CHODL: variants seen among roughly 807,000 people sequenced by gnomAD.
The protein encoded by CHODL is chondrolectin, also known as transmembrane protein MT75.
In CHODL, 29 loss-of-function variants were observed where a neutral mutation model predicts 34.5. That is an observed-to-expected ratio of 0.84 (90% CI 0.63 to 1.15). The LOEUF (loss-of-function observed/expected upper bound fraction) is 1.15. Ranked by LOEUF, CHODL falls within the 50% of genes most tolerant of loss-of-function variation. The probability of loss-of-function intolerance (pLI) is 0.00; values close to 1 mark genes in which losing one functional copy is unlikely to be tolerated. For missense variants in CHODL, 332 were observed against 332.5 expected (o/e 1.00, Z 0.01); for synonymous variants, 125 against 116.1 (o/e 1.08, Z -0.49).
intron 2 of CHODL, among the ~76,000 whole-genome samples, chr21:18,050,743 T>C (rs2064503381): frequency 6.6e-6 from 1 of 151,784 alleles, no homozygotes; most frequent in Non-Finnish European, 1.5e-5. Context: ...AGAGTGTAGG[T>C]TGGGTCATGT....
intron 2 of CHODL, among the ~76,000 whole-genome samples, chr21:18,174,141 A>ATATATATATATATATATCTTGGTG (rs2073271984): frequency 8.5e-6 from 1 of 117,382 alleles, no homozygotes; most frequent in African/African-American, 3.5e-5. Flanking sequence ...ATATATATAT[A>ATATATATATATATATATCTTGGTG]TATATATATA....
At chr21:18,188,112 T>G (rs1316678137) in intron 2 of CHODL, among the ~76,000 whole-genome samples, 2 of 152,150 alleles carry the variant, frequency 1.3e-5, no homozygotes, top group African/African-American at 4.8e-5. Flanking sequence ...ATTGATCATT[T>G]TTTTTTTCCT....
At chr21:18,125,070 C>A (rs1229769260) in intron 2 of CHODL, among the ~76,000 whole-genome samples, 1 of 152,192 alleles carries the variant, frequency 6.6e-6, no homozygotes, top group Non-Finnish European at 1.5e-5. Flanking sequence ...GAATGGTACA[C>A]TAATTTGCAG....
chr21:18,035,695 C>A (rs1220084000), intron 2 of CHODL, among the ~76,000 whole-genome samples: 1 of 151,992 alleles, frequency 6.6e-6, no homozygotes, highest in African/African-American at 2.4e-5. Flanking sequence ...TTCATATTCA[C>A]TAATCTTTAT....
intron 1 of CHODL, among the ~76,000 whole-genome samples, chr21:17,972,995 AC>A (rs2063628352): frequency 6.6e-6 from 1 of 152,158 alleles, no homozygotes; most frequent in African/African-American, 2.4e-5. Flanking sequence ...CCACATATCT[AC>A]CACCATCTGA....
chr21:17,965,040 AT>A (rs755828998), intron 1 of CHODL, among the ~76,000 whole-genome samples: 1 of 152,254 alleles, frequency 6.6e-6, no homozygotes, highest in African/African-American at 2.4e-5. Context: ...AAGACTATTC[AT>A]AATATAATTA....
chr21:18,217,967 C>G (rs2073846920), intron 2 of CHODL, among the ~76,000 whole-genome samples: 1 of 152,194 alleles, frequency 6.6e-6, no homozygotes, highest in South Asian at 2.1e-4. Context: ...AGGTGGGCTC[C>G]CAGGGCCTTG....
chr21:18,121,512 C>T (rs943642568), intron 2 of CHODL, among the ~76,000 whole-genome samples: 9 of 150,748 alleles, frequency 6.0e-5, no homozygotes, highest in South Asian at 2.1e-4. Flanking sequence ...ATGGCCCAAA[C>T]GCTTACTTTC....
chr21:17,962,568 A>G (rs1009621061), intron 1 of CHODL, among the ~76,000 whole-genome samples: 2 of 152,190 alleles, frequency 1.3e-5, no homozygotes, highest in South Asian at 4.1e-4. Context: ...GTAATTACAC[A>G]TAATATCCAT....
At chr21:18,248,511 ATGGTTT>A (rs901300572) in intron 1 of CHODL, among the ~76,000 whole-genome samples, 1 of 148,380 alleles carries the variant, frequency 6.7e-6, no homozygotes, top group African/African-American at 2.5e-5. Flanking sequence ...TCATCATTTT[ATGGTTT>A]TGTTTTATAA....
At chr21:18,189,045 C>CAT (rs2073478819) in intron 2 of CHODL, among the ~76,000 whole-genome samples, 1 of 152,228 alleles carries the variant, frequency 6.6e-6, no homozygotes, top group African/African-American at 2.4e-5. Context: ...TTTGCAAAGT[C>CAT]ATATTTTATA....
intron 1 of CHODL, among the ~76,000 whole-genome samples, chr21:17,981,910 A>G (rs1013352629): frequency 7.9e-5 from 12 of 152,258 alleles, no homozygotes; most frequent in South Asian, 2.1e-4. Flanking sequence ...ATGAAAGCCA[A>G]ACTTTCAAAG....
chr21:18,179,784 A>G (rs938814166), intron 2 of CHODL, among the ~76,000 whole-genome samples: 1 of 152,260 alleles, frequency 6.6e-6, no homozygotes, highest in African/African-American at 2.4e-5. Flanking sequence ...AAATGTCTAA[A>G]ATATTTCCAT....
chr21:18,148,039 G>C (rs1279443952), intron 2 of CHODL, among the ~76,000 whole-genome samples: 1 of 152,108 alleles, frequency 6.6e-6, no homozygotes, highest in East Asian at 1.9e-4. Context: ...GTCCACATAA[G>C]GAAAGCAGGT....
At chr21:18,228,283 T>G (rs989929945) in intron 2 of CHODL, among the ~76,000 whole-genome samples, 6 of 152,132 alleles carry the variant, frequency 3.9e-5, no homozygotes, top group African/African-American at 1.4e-4. Context: ...AGTTTCAAAT[T>G]TCTGGACAAG....
intron 2 of CHODL, among the ~76,000 whole-genome samples, chr21:18,128,742 G>A (rs2072613778): frequency 6.6e-6 from 1 of 151,952 alleles, no homozygotes; most frequent in African/African-American, 2.4e-5. Flanking sequence ...TTTTTTCTCC[G>A]TTTTGGTTTC....
upstream of CHODL, among the ~76,000 whole-genome samples, chr21:18,241,336 A>G (rs1301815313): frequency 6.6e-6 from 1 of 152,138 alleles, no homozygotes; most frequent in Non-Finnish European, 1.5e-5. Context: ...ATTTTTCTAT[A>G]TCCTGGCAAT....
At chr21:18,245,993 G>A (rs1336296489) in intron 1 of CHODL, 3 of 1,449,028 alleles carry the variant, frequency 2.1e-6, no homozygotes, top group South Asian at 2.4e-5. Flanking sequence ...TAAGTCGGTC[G>A]AGTCAGTGCA....
chr21:17,999,051 A>G (rs2063879870), intron 1 of CHODL, among the ~76,000 whole-genome samples: 1 of 151,982 alleles, frequency 6.6e-6, no homozygotes, highest in African/African-American at 2.4e-5. Flanking sequence ...AATGCTTTTG[A>G]CAGCACCCAA....
Sources: allele counts gnomAD v4.1 joint callset (sites outside exome capture counted in the v4.1 genomes callset), GRCh38; gene constraint gnomAD v4.1.1; transcripts MANE v1.5; gene names NCBI Gene and HGNC (gene_info 2026-07-23, HGNC 2026-07-21).